The following NDUFV3 variants were observed in gnomAD, a reference collection of about 807,000 sequenced individuals.
NDUFV3 encodes the protein NADH:ubiquinone oxidoreductase subunit V3.
In NDUFV3, 44 loss-of-function variants were observed where a neutral mutation model predicts 37.5. That is an observed-to-expected ratio of 1.17 (90% confidence interval 0.92 to 1.51). The LOEUF (loss-of-function observed/expected upper bound fraction) is 1.51, where lower values mean the gene tolerates loss of function less well. Among genes scored for constraint, NDUFV3 ranks in the 40% most tolerant of loss-of-function variants. The pLI is 0.00. For missense variants in NDUFV3, 580 were observed against 580.4 expected (o/e 1.00, Z 0.01); for synonymous variants, 235 against 239.3 (o/e 0.98, Z 0.17).
chr21:42,912,469 C>G lies in NDUFV3; in HGVS notation c.*3448C>G, dbSNP rs574041668. 2.1e-5 allele frequency: 3 copies of G among 141,692 alleles called. No individual in the cohort carries two copies. The highest frequency in any genetic ancestry group is 2.0e-4 in the East Asian group (1 of 5,114). The allele number at this position is 141,692 out of a possible 1,614,324, so 8.8% of individuals were successfully genotyped here. A position where few individuals can be genotyped will look rare whatever the true frequency, so the allele number is the denominator to read the frequency against. ...TTGGGTCTATGTGATTTCCCACGTT[C>G]TGTTGGAGGCCGGGCGCAGTGCCTC... On this transcript the variant is annotated 3_prime_UTR_variant, in exon 4 of 4. Coordinates refer to ENST00000354250, the MANE Select transcript of NDUFV3 (RefSeq NM_021075.4).
intron 3 of NDUFV3, among the ~76,000 whole-genome samples, chr21:42,907,978 T>C (rs1002321474): frequency 6.6e-6 from 1 of 152,098 alleles, no homozygotes; most frequent in African/African-American, 2.4e-5. Context: ...TTCAAACTTT[T>C]GAGAAGCCTA....
intron 3 of NDUFV3, 33 bp downstream of exon 3, chr21:42,904,309 T>C (rs2058732444): frequency 6.4e-7 from 1 of 1,563,620 alleles, no homozygotes; most frequent in East Asian, 2.4e-5. Flanking sequence ...AAGTGCACCC[T>C]GTCCCTTAGG....
intron 2 of NDUFV3, among the ~76,000 whole-genome samples, chr21:42,897,608 T>C (rs1385002128): frequency 1.3e-5 from 2 of 152,126 alleles, no homozygotes; most frequent in Non-Finnish European, 2.9e-5. Context: ...CTCCTGACCT[T>C]GTTATCCACC....
chr21:42,894,334 T>TATATATAAATAA (rs1354554458), intron 1 of NDUFV3, among the ~76,000 whole-genome samples: 2 of 51,864 alleles, frequency 3.9e-5, no homozygotes, highest in African/African-American at 1.5e-4. Flanking sequence ...TAAATACATA[T>TATATATAAATAA]TATATATATT....
In NDUFV3 at chr21:42,903,748, A is replaced by G. The variant is rs772613402; in HGVS notation, c.736A>G (p.Lys246Glu). ...AGAAGGCAGGGAAAATGCGAGACCA[A>G]AAACCACAATGCCCAGATCTCAAGT... The part of the protein sequence containing the change: ...PSEGRENARP[K>E]TTMPRSQVDE... The change falls in exon 3 of 4, where the codon AAA (lysine) becomes GAA (glutamate). Residue 246 changes from lysine (K) to glutamate (E), a missense_variant. Transcript: ENST00000354250. 9.3e-6 allele frequency: 15 copies of G among 1,614,124 alleles called. No individual in the cohort carries two copies. Among genetic ancestry groups the G allele is most frequent in the South Asian group, 4.4e-5 (4 of 91,094 alleles).
At chr21:42,894,521 TATATAATATATATCATA>T (rs2058681989) in intron 1 of NDUFV3, among the ~76,000 whole-genome samples, 1 of 93,668 alleles carries the variant, frequency 1.1e-5, no homozygotes, top group Non-Finnish European at 1.9e-5. Context: ...TTATATATTA[TATATAATATATATCATA>T]ATATAATATA....
chr21:42,896,830 C>T (rs982533178), intron 1 of NDUFV3, 97 bp from the exon 2 acceptor site: 2 of 1,275,550 alleles, frequency 1.6e-6, no homozygotes, highest in Non-Finnish European at 2.2e-6. Flanking sequence ...CTGAGAGAGA[C>T]CCCTGACTCA....
rs754923368 is a variant in NDUFV3 at position 42,908,899 on chromosome 21, A to G, written c.1300A>G (p.Thr434Ala). 6.2e-7 allele frequency: 1 copy of G among 1,614,090 alleles called. No homozygotes were observed. The highest frequency in any genetic ancestry group is 8.5e-7 in the Non-Finnish European group (1 of 1,180,014). ...AGTGCCTGCTGAGCCGTTTGACAAC[A>G]CTACCTACAAGAACCTGCAGCATCA... ...APVPAEPFDNTTYKNLQHHDY... is the reference protein window; with the variant it reads ...APVPAEPFDNATYKNLQHHDY... Residue 434 changes from threonine to alanine, a missense_variant, in exon 4 of 4, where the codon ACT becomes GCT. Transcript: ENST00000354250.
intron 2 of NDUFV3, among the ~76,000 whole-genome samples, chr21:42,899,274 C>CTTTTTTTTTTTTTTTTTT (rs1174011282): frequency 1.8e-5 from 1 of 54,844 alleles, no homozygotes; most frequent in Admixed American, 1.2e-4. Flanking sequence ...ACAGTTGTAT[C>CTTTTTTTTTTTTTTTTTT]TTGTTTTTTT....
intron 3 of NDUFV3, chr21:42,906,866 T>C (rs371921125): frequency 1.9e-6 from 1 of 518,876 alleles, no homozygotes; most frequent in Admixed American, 1.9e-5. Flanking sequence ...CCGAAGATAC[T>C]CACCTTGTGG....
chr21:42,896,871 C>G, intron 1 of NDUFV3, 56 bp from the exon 2 acceptor site: 1 of 1,540,802 alleles, frequency 6.5e-7, no homozygotes, highest in Non-Finnish European at 9.0e-7. Flanking sequence ...ATATATAGTA[C>G]CAGCTATTAT....
In NDUFV3 at chr21:42,909,789, C is replaced by T. The variant is rs1412120091; in HGVS notation, c.*768C>T. ...CCGCCTCCTGGGTTCAAGTGATTCT[C>T]CTGCCTTACTTAGCCTCTTGAGTAG... On this transcript the variant is annotated 3_prime_UTR_variant, in exon 4 of 4. Coordinates refer to ENST00000354250, the MANE Select transcript of NDUFV3 (RefSeq NM_021075.4). 2 of 152,308 alleles carry T rather than the reference C, an allele frequency of 1.3e-5. No individual in the cohort carries two copies. Among genetic ancestry groups the T allele is most frequent in the African/African-American group, 2.4e-5 (1 of 41,454 alleles). The allele number at this position is 152,308 out of a possible 1,614,324, so 9.4% of individuals were successfully genotyped here.
intron 2 of NDUFV3, among the ~76,000 whole-genome samples, chr21:42,899,277 G>GTTTTTTTTTTTTTTTTTTTTTTTTTTT (rs370812043): frequency 7.1e-6 from 1 of 141,132 alleles, no homozygotes. Context: ...GTTGTATCTT[G>GTTTTTTTTTTTTTTTTTTTTTTTTTTT]TTTTTTTTTG....
intron 3 of NDUFV3, among the ~76,000 whole-genome samples, chr21:42,905,641 A>C (rs7279030): frequency 1.3e-5 from 2 of 151,520 alleles, no homozygotes; most frequent in Non-Finnish European, 2.9e-5. Context: ...TCAGCCTCCA[A>C]AGTAGCTGGG....
chr21:42,903,203 G>C lies in NDUFV3; in HGVS notation c.191G>C (p.Arg64Thr), dbSNP rs1477108407. The change falls in exon 3 of 4, where the codon AGG becomes ACG. Residue 64 changes from arginine to threonine, a missense_variant. Physicochemically the swap from Arg to Thr is moderately conservative, Grantham distance 71. Coordinates refer to ENST00000354250, the MANE Select transcript of NDUFV3 (RefSeq NM_021075.4). The part of the protein sequence containing the change: ...PPKNVVEPKE[R>T]GKLLATQTAA... ...CCAGATGTAGTGGAACCAAAGGAGA[G>C]GGGCAAGCTCCTAGCCACCCAGACA... The C allele has an allele frequency of 1.9e-6, 3 of 1,614,154 alleles. No individual in the cohort carries two copies. Among genetic ancestry groups the C allele is most frequent in the East Asian group, 2.2e-5 (1 of 44,882 alleles).
chr21:42,909,030 G>T lies in NDUFV3; in HGVS notation c.*9G>T. On this transcript the variant is annotated 3_prime_UTR_variant, in exon 4 of 4. Coordinates refer to ENST00000354250, the MANE Select transcript of NDUFV3 (RefSeq NM_021075.4). ...AGTCACCTCGACACTGAGGGCCCTC[G>T]GTGTGAAGATGAACCTTCCACCGTC... is the stretch of plus-strand genomic sequence containing the variant. 6.2e-7 allele frequency: 1 copy of T among 1,612,886 alleles called. No homozygotes were observed. Among genetic ancestry groups the T allele is most frequent in the Non-Finnish European group, 8.5e-7 (1 of 1,179,698 alleles).
At chr21:42,908,378 T>G (rs938277277) in intron 3 of NDUFV3, among the ~76,000 whole-genome samples, 3 of 152,238 alleles carry the variant, frequency 2.0e-5, no homozygotes, top group African/African-American at 7.2e-5. Flanking sequence ...AGAATAAACT[T>G]CCAAGTAATA....
chr21:42,907,849 C>G (rs1258791870), intron 3 of NDUFV3, among the ~76,000 whole-genome samples: 4 of 151,824 alleles, frequency 2.6e-5, no homozygotes, highest in African/African-American at 9.7e-5. Flanking sequence ...CCTCGGCCTC[C>G]CAAAGTGCTG....
chr21:42,905,716 A>G (rs940242063), intron 3 of NDUFV3, among the ~76,000 whole-genome samples: 2 of 151,968 alleles, frequency 1.3e-5, no homozygotes, highest in Non-Finnish European at 2.9e-5. Context: ...GGGTTTTACC[A>G]TGTAGGCCAG....
Sources: allele counts gnomAD v4.1 joint callset (sites outside exome capture counted in the v4.1 genomes callset), GRCh38; gene constraint gnomAD v4.1.1; transcripts MANE v1.5; gene names NCBI Gene and HGNC (gene_info 2026-07-23, HGNC 2026-07-21).